Variants in NBEA observed in about 807,000 individuals in gnomAD.
NBEA encodes the protein lysosomal-trafficking regulator 2.
In NBEA, 44 loss-of-function variants were observed where a neutral mutation model predicts 343.4. The ratio of observed to expected loss-of-function variants is 0.13; its 90% CI spans 0.10 to 0.16. NBEA has a LOEUF of 0.16. Ranked by LOEUF, NBEA falls within the 10% of genes least tolerant of loss-of-function variation. The pLI, the probability that NBEA is intolerant of heterozygous loss-of-function variation, is 1.00. For missense variants in NBEA, 2,555 were observed against 3,631.3 expected (o/e 0.70, Z 7.62); for synonymous variants, 1,175 against 1,238.7 (o/e 0.95, Z 1.08).
At chr13:35,628,917 C>A (rs2083339393) in intron 49 of NBEA, among the ~76,000 whole-genome samples, 2 of 151,692 alleles carry the variant, frequency 1.3e-5, no homozygotes, top group Non-Finnish European at 2.9e-5. Flanking sequence ...GACCCTATCT[C>A]AAAAAAATAA....
intron 17 of NBEA, among the ~76,000 whole-genome samples, chr13:35,128,606 T>A (rs1272214724): frequency 6.6e-6 from 1 of 152,066 alleles, no homozygotes; most frequent in Admixed American, 6.6e-5. Context: ...GTTTAAAGGG[T>A]GCTCTGCCTG....
chr13:35,038,388 C>T (rs2062527163), intron 1 of NBEA, among the ~76,000 whole-genome samples: 1 of 152,114 alleles, frequency 6.6e-6, no homozygotes, highest in African/African-American at 2.4e-5. Flanking sequence ...ACCTAAGATA[C>T]AAGACAAAGT....
chr13:35,283,204 G>A (rs1479177903), intron 34 of NBEA, among the ~76,000 whole-genome samples: 1 of 151,932 alleles, frequency 6.6e-6, no homozygotes, highest in Middle Eastern at 3.2e-3. Flanking sequence ...ATTCTCAGCA[G>A]AAGCAAAACT....
At chr13:35,129,884 TATA>T (rs1455983571) in intron 17 of NBEA, among the ~76,000 whole-genome samples, 2 of 152,024 alleles carry the variant, frequency 1.3e-5, no homozygotes, top group East Asian at 3.8e-4. Context: ...TTAAAAGAAA[TATA>T]ATATTTTAGT....
chr13:35,344,077 T>C (rs923953074), intron 36 of NBEA, among the ~76,000 whole-genome samples: 2 of 152,058 alleles, frequency 1.3e-5, no homozygotes, highest in African/African-American at 4.8e-5. Flanking sequence ...GTGTTATCAA[T>C]ACCATGATAT....
intron 36 of NBEA, among the ~76,000 whole-genome samples, chr13:35,334,645 G>T (rs184316434): frequency 1.3e-5 from 2 of 152,130 alleles, no homozygotes; most frequent in Non-Finnish European, 2.9e-5. Flanking sequence ...TTTGCCATTC[G>T]TGTGTCTTCT....
intron 36 of NBEA, among the ~76,000 whole-genome samples, chr13:35,326,408 G>A (rs563897141): frequency 1.4e-4 from 22 of 151,880 alleles, no homozygotes; most frequent in Non-Finnish European, 2.9e-4. Context: ...ATTATAAATG[G>A]GATTGCATTT....
At chr13:35,216,481 C>T (rs921103749) in intron 33 of NBEA, among the ~76,000 whole-genome samples, 10 of 151,952 alleles carry the variant, frequency 6.6e-5, no homozygotes, top group African/African-American at 2.4e-4. Flanking sequence ...CAGCCCCTCT[C>T]TTGGATCTTT....
chr13:35,297,373 GT>G (rs2036207659), intron 35 of NBEA, among the ~76,000 whole-genome samples: 3 of 151,938 alleles, frequency 2.0e-5, no homozygotes, highest in Admixed American at 2.0e-4. Context: ...GCTCTTATAT[GT>G]GATTAAGGTA....
At chr13:35,296,208 C>T (rs1353953816) in intron 35 of NBEA, among the ~76,000 whole-genome samples, 1 of 151,816 alleles carries the variant, frequency 6.6e-6, no homozygotes, top group African/African-American at 2.4e-5. Flanking sequence ...ATAGTGAAAC[C>T]CGTCTCTACT....
chr13:35,101,118 G>T (rs1312263715), intron 11 of NBEA, among the ~76,000 whole-genome samples: 1 of 151,904 alleles, frequency 6.6e-6, no homozygotes, highest in East Asian at 1.9e-4. Flanking sequence ...ATACATTTGT[G>T]TTGTTTCTAT....
At chr13:35,141,530 G>T (rs987443102) in intron 17 of NBEA, among the ~76,000 whole-genome samples, 1 of 152,180 alleles carries the variant, frequency 6.6e-6, no homozygotes, top group African/African-American at 2.4e-5. Flanking sequence ...CTCTGAAAGT[G>T]CTGGGATTAC....
At chr13:35,260,484 C>A (rs1026325174) in intron 34 of NBEA, among the ~76,000 whole-genome samples, 4 of 152,172 alleles carry the variant, frequency 2.6e-5, no homozygotes, top group Non-Finnish European at 5.9e-5. Flanking sequence ...TCTTTAATTT[C>A]TCTGATTTGC....
chr13:35,453,598 G>C (rs2046410322), intron 40 of NBEA, among the ~76,000 whole-genome samples: 1 of 152,088 alleles, frequency 6.6e-6, no homozygotes, highest in Non-Finnish European at 1.5e-5. Context: ...TGTTATTTCT[G>C]ACCCTTTTAG....
intron 35 of NBEA, among the ~76,000 whole-genome samples, chr13:35,294,339 A>G (rs1396150809): frequency 1.3e-5 from 2 of 152,064 alleles, no homozygotes; most frequent in Non-Finnish European, 2.9e-5. Flanking sequence ...TACAAAAGAA[A>G]AAAATATACT....
chr13:35,263,743 A>T (rs1238986941), intron 34 of NBEA, among the ~76,000 whole-genome samples: 1 of 152,082 alleles, frequency 6.6e-6, no homozygotes, highest in Non-Finnish European at 1.5e-5. Flanking sequence ...AAAAATGGAA[A>T]CAACATACCA....
intron 34 of NBEA, among the ~76,000 whole-genome samples, chr13:35,267,884 T>C (rs1184281287): frequency 6.6e-6 from 1 of 151,388 alleles, no homozygotes; most frequent in Non-Finnish European, 1.5e-5. Context: ...GGTTGTGGAA[T>C]AACTTAAACA....
Position 35,076,690 on chromosome 13 carries a change from C to G in NBEA, c.1571+5838C>G, listed in dbSNP as rs182134302. Among the ~76,000 whole-genome samples the G allele has an allele frequency of 9.2e-3, 1,399 of 152,124 alleles. 18 individuals carry two copies. The highest frequency in any genetic ancestry group is 0.032 in the African/African-American group (1,340 of 41,542). ...GCAATAAGATTAACTACAAATTATTCCTTGCAGAAATTCTGGCGACCATGG... is the reference window on the plus strand; with the variant it reads ...GCAATAAGATTAACTACAAATTATTGCTTGCAGAAATTCTGGCGACCATGG... On this transcript the variant is annotated intron_variant, in intron 10 of 58. Coordinates refer to ENST00000379939, the MANE Select transcript of NBEA (RefSeq NM_001385012.1).
chr13:35,590,236 A>G (rs1193229122), intron 46 of NBEA, among the ~76,000 whole-genome samples: 1 of 152,126 alleles, frequency 6.6e-6, no homozygotes, highest in Non-Finnish European at 1.5e-5. Context: ...CAATCTCCAC[A>G]GTAATCAGAG....
Sources: gnomAD v4.1 joint callset for allele counts (sites outside exome capture counted in the v4.1 genomes callset) on GRCh38, gnomAD v4.1.1 for gene constraint, MANE v1.5 for transcripts, NCBI Gene and HGNC (gene_info 2026-07-23, HGNC 2026-07-21) for gene names.